ZNF320: variants seen among roughly 807,000 people sequenced by gnomAD.
ZNF320 encodes the protein zinc finger protein 320, also known as zinc finger gene 320.
A neutral mutation model predicts 6.8 loss-of-function variants in ZNF320; 2 were observed. The ratio of observed to expected loss-of-function variants is 0.29; its 90% confidence interval spans 0.12 to 0.93. The LOEUF (loss-of-function observed/expected upper bound fraction) is 0.93. ZNF320 is among the 40% of genes least tolerant of loss of function. The probability of loss-of-function intolerance (pLI) is 0.55; values close to 1 mark genes in which losing one functional copy is unlikely to be tolerated. For synonymous variants in ZNF320, 208 were observed against 203.2 expected, an observed-to-expected ratio of 1.02 and a Z score of -0.20; for missense variants, 472 against 611.0, an observed-to-expected ratio of 0.77 and a Z score of 2.40.
upstream of ZNF320, among the ~76,000 whole-genome samples, chr19:52,899,753 G>A (rs184185789): frequency 6.0e-3 from 913 of 152,240 alleles, 8 homozygotes; most frequent in Middle Eastern, 0.014. Flanking sequence ...GAGCCACCGC[G>A]CCCGGTGATA....
intron 5 of ZNF320, chr19:52,865,483 TA>T (rs1568692777): frequency 8.6e-5 from 11 of 127,680 alleles, no homozygotes; most frequent in African/African-American, 3.2e-4. Flanking sequence ...CATATATATA[TA>T]ATACATATAT....
chr19:52,884,270 C>T (rs1043897480), intron 5 of ZNF320, among the ~76,000 whole-genome samples: 2 of 151,950 alleles, frequency 1.3e-5, no homozygotes, highest in Admixed American at 6.6e-5. Context: ...GATCGAGTCA[C>T]GCTCTTATCA....
downstream of ZNF320, chr19:52,874,081 GA>G (rs748202850): frequency 3.9e-5 from 14 of 358,958 alleles, no homozygotes; most frequent in East Asian, 4.0e-4. Flanking sequence ...TCCTGTATGT[GA>G]AAAAAATCAG....
chr19:52,892,833 C>T (rs2064347873), intron 2 of ZNF320, among the ~76,000 whole-genome samples: 1 of 151,486 alleles, frequency 6.6e-6, no homozygotes, highest in African/African-American at 2.4e-5. Context: ...CTCCTTGCCA[C>T]CAGCACCACT....
exon 6 of ZNF320, among the ~76,000 whole-genome samples, chr19:52,861,270 A>G (rs2063485642): frequency 6.6e-6 from 1 of 152,190 alleles, no homozygotes; most frequent in Non-Finnish European, 1.5e-5. Context: ...TTGCTAGAGA[A>G]ATTTAAGTAA....
rs947547087 is a variant in ZNF320 at position 52,876,985 on chromosome 19, T to G, written c.*3611A>C. ...TGCCCGGTGCGGTGGCACCTGGCTA[T>G]GGTCCTAGCAACTTTGGAGGCTGAG... On this transcript the variant is annotated 3_prime_UTR_variant, in exon 6 of 6. Transcript: ENST00000682928. 1 of 152,166 alleles carries G rather than the reference T, an allele frequency of 6.6e-6. No individual in the cohort carries two copies. Among genetic ancestry groups the G allele is most frequent in the African/African-American group, 2.4e-5 (1 of 41,422 alleles). 9.4% of individuals were successfully genotyped at this position (152,166 alleles called of 1,614,324 possible).
At position 52,870,525 on chromosome 19, in the gene ZNF320, AT is replaced by A. The variant is rs1292947243; in HGVS notation, c.223+3466del. The stretch of plus-strand genomic sequence containing the variant: ...AATACTTAAGATCATTACAATTATT[AT>A]AAAAAATAAAACTTATGGCAAATGT... On this transcript the variant is annotated intron_variant, in intron 5 of 5. Transcript: ENST00000673631. 6.7e-5 allele frequency among the ~76,000 whole-genome samples: 10 copies of A among 148,936 alleles called. No homozygotes were observed. The East Asian group carries it at 2.0e-3, about 30-fold the overall frequency.
At chr19:52,865,647 TTA>T (rs1191314112) in intron 5 of ZNF320, among the ~76,000 whole-genome samples, 3 of 125,982 alleles carry the variant, frequency 2.4e-5, no homozygotes, top group South Asian at 2.2e-4. Context: ...ACATATATAT[TTA>T]TATATGATTA....
chr19:52,900,093 T>C (rs1277660809), upstream of ZNF320, among the ~76,000 whole-genome samples: 1 of 152,186 alleles, frequency 6.6e-6, no homozygotes, highest in Non-Finnish European at 1.5e-5. Context: ...CACAGCTACC[T>C]GTCCACTGAT....
At chr19:52,887,029 A>T (rs941434473) in intron 5 of ZNF320, among the ~76,000 whole-genome samples, 1 of 126,406 alleles carries the variant, frequency 7.9e-6, no homozygotes, top group Non-Finnish European at 1.7e-5. Context: ...AAAACAAAAG[A>T]AAAGAAAAGA....
intron 2 of ZNF320, among the ~76,000 whole-genome samples, chr19:52,891,794 A>G (rs1210547692): frequency 6.6e-6 from 1 of 152,180 alleles, no homozygotes; most frequent in Admixed American, 6.5e-5. Flanking sequence ...TGATATCCTC[A>G]GAGTGGGGAC....
chr19:52,872,031 A>T (rs2063689484), downstream of ZNF320, among the ~76,000 whole-genome samples: 1 of 152,086 alleles, frequency 6.6e-6, no homozygotes, highest in Admixed American at 6.5e-5. Context: ...CTTCTCTGAA[A>T]TTGGGATTAG....
chr19:52,863,610 G>C (rs1201887087), exon 6 of ZNF320, among the ~76,000 whole-genome samples: 1 of 108,210 alleles, frequency 9.2e-6, no homozygotes, highest in Non-Finnish European at 2.0e-5. Flanking sequence ...CTCAAAAAAG[G>C]AAAAAAAAAA....
chr19:52,861,031 A>AC lies in ZNF320; in HGVS notation c.*2997_*2998insG, dbSNP rs1279404611. ...AACAAACAAACAAACAAACAAACAA[A>AC]ACAAAAACGAAAACTCATCCAAATC... On this transcript the variant is annotated 3_prime_UTR_variant, in exon 6 of 6. Coordinates refer to the ZNF320 transcript ENST00000673631. Among the ~76,000 whole-genome samples the AC allele has an allele frequency of 5.2e-3, 797 of 152,174 alleles. 9 individuals carry two copies. The highest frequency in any genetic ancestry group is 0.016 in the African/African-American group (679 of 41,504).
chr19:52,890,605 C>T (rs1299710213), intron 3 of ZNF320, among the ~76,000 whole-genome samples: 1 of 152,208 alleles, frequency 6.6e-6, no homozygotes, highest in East Asian at 1.9e-4. Context: ...GGTGTGGTGG[C>T]TCATGCCTGT....
At chr19:52,873,432 C>T (rs1008456526), downstream of ZNF320, among the ~76,000 whole-genome samples, 20 of 152,212 alleles carry the variant, frequency 1.3e-4, no homozygotes, top group African/African-American at 4.6e-4. Context: ...CTGCACAGCC[C>T]GAGATCCATT....
chr19:52,866,770 C>T (rs989600293), intron 5 of ZNF320, among the ~76,000 whole-genome samples: 3 of 149,740 alleles, frequency 2.0e-5, no homozygotes, highest in African/African-American at 4.9e-5. Context: ...CTCAGTTGGC[C>T]GAGGCTAGAA....
intron 1 of ZNF320, among the ~76,000 whole-genome samples, chr19:52,896,847 G>A (rs2064488837): frequency 6.6e-6 from 1 of 152,176 alleles, no homozygotes; most frequent in Admixed American, 6.5e-5. Flanking sequence ...AAGGATCAAA[G>A]GCCGCTGTCC....
In ZNF320 at chr19:52,878,187, T is replaced by C. The variant is rs2063811838; in HGVS notation, c.*2409A>G. On this transcript the variant is annotated 3_prime_UTR_variant, in exon 6 of 6. Coordinates refer to ENST00000682928, the MANE Select transcript of ZNF320 (RefSeq NM_001351774.2). ...TCTTCTCCAGTGTCGTCTTTGACAG[T>C]TGTACCTATAAAACTTATGTGGATG... is the stretch of plus-strand genomic sequence containing the variant. 3 of 196,322 alleles carry C rather than the reference T, an allele frequency of 1.5e-5. No homozygotes were observed. In the South Asian group the frequency reaches 3.0e-4, roughly 19 times the overall value. The allele number at this position is 196,322 out of a possible 1,614,324, so 12.2% of individuals were successfully genotyped here. A position where few individuals can be genotyped will look rare whatever the true frequency, so the allele number is the denominator to read the frequency against.
Sources: gnomAD v4.1 joint callset for allele counts (sites outside exome capture counted in the v4.1 genomes callset) on GRCh38, gnomAD v4.1.1 for gene constraint, MANE v1.5 for transcripts, NCBI Gene and HGNC (gene_info 2026-07-23, HGNC 2026-07-21) for gene names.